Variants in PCSK6 observed in about 807,000 individuals in gnomAD.
PCSK6 encodes the protein paired basic amino acid cleaving enzyme 4.
A neutral mutation model predicts 123.3 loss-of-function variants in PCSK6; 85 were observed. The observed-to-expected ratio is 0.69, with a 90% confidence interval of 0.58 to 0.83. The LOEUF is 0.83. Among genes scored for constraint, PCSK6 ranks in the 40% least tolerant of loss-of-function variants. PCSK6 has a pLI of 0.00. For missense variants in PCSK6, 1,191 were observed against 1,282.3 expected (o/e 0.93, Z 1.09); for synonymous variants, 508 against 516.0 (o/e 0.98, Z 0.21).
intron 6 of PCSK6, among the ~76,000 whole-genome samples, chr15:101,426,669 C>T (rs930243293): frequency 1.3e-5 from 2 of 152,194 alleles, no homozygotes; most frequent in Non-Finnish European, 2.9e-5. Context: ...AGAAATTCCC[C>T]CAAGGACTGG....
intron 4 of PCSK6, 118 bp downstream of exon 4, chr15:101,431,202 A>G: frequency 9.9e-7 from 1 of 1,014,932 alleles, no homozygotes; most frequent in Non-Finnish European, 1.5e-6. Context: ...AGTTTTCTTT[A>G]CTGCCTAACT....
intron 6 of PCSK6, among the ~76,000 whole-genome samples, chr15:101,427,597 C>T (rs1287786931): frequency 1.3e-5 from 2 of 152,300 alleles, no homozygotes; most frequent in Non-Finnish European, 2.9e-5. Flanking sequence ...TCAACGCAGA[C>T]TTCTAGGAGT....
chr15:101,305,559 T>A lies in PCSK6; in HGVS notation c.2813-204A>T, dbSNP rs566135713. The A allele has an allele frequency of 2.1e-6, 1 of 487,426 alleles. No homozygotes were observed. The highest frequency in any genetic ancestry group is 2.2e-5 in the South Asian group (1 of 45,646). 30.2% of individuals were successfully genotyped at this position (487,426 alleles called of 1,614,324 possible). ...CCCGTCTCTACTAATAATATAAAAA[T>A]TAGCTGGGCATGGTGGTGGGCACCT... On this transcript the variant is annotated intron_variant, in intron 21 of 21. Coordinates refer to ENST00000611716, the MANE Select transcript of PCSK6 (RefSeq NM_002570.5). The surrounding 1 kb of genome is among the most constrained non-coding windows in gnomAD (Gnocchi z 4.8).
At chr15:101,465,551 G>A (rs1406906047) in intron 1 of PCSK6, among the ~76,000 whole-genome samples, 1 of 152,144 alleles carries the variant, frequency 6.6e-6, no homozygotes, top group Non-Finnish European at 1.5e-5. Flanking sequence ...AGGACAGAGG[G>A]GCCACCTGTT....
At chr15:101,383,929 C>G (rs1477709823) in intron 10 of PCSK6, 1 of 170,326 alleles carries the variant, frequency 5.9e-6, no homozygotes, top group Non-Finnish European at 1.2e-5. Flanking sequence ...GAGATGGAGT[C>G]CTGCTGTGTT....
rs1220445229 is a variant in PCSK6 at position 101,322,510 on chromosome 15, G to A, written c.2465+10C>T. On this transcript the variant is annotated intron_variant, in intron 18 of 21. Transcript: ENST00000611716. The stretch of plus-strand genomic sequence containing the variant: ...GCCCTGACATTCCTCAGGTTTCGAG[G>A]GGGTTTTACCTGAATCCTTCTTTAC... The A allele has an allele frequency of 6.3e-7, 1 of 1,595,972 alleles. No individual in the cohort carries two copies. The highest frequency in any genetic ancestry group is 1.3e-5 in the African/African-American group (1 of 74,534).
At chr15:101,472,630 A>G (rs527965579) in intron 1 of PCSK6, among the ~76,000 whole-genome samples, 10 of 152,154 alleles carry the variant, frequency 6.6e-5, no homozygotes, top group African/African-American at 2.4e-4. Context: ...TTCAGGAGAG[A>G]CCAGGGAGGA....
intron 13 of PCSK6, among the ~76,000 whole-genome samples, chr15:101,343,328 CAT>C (rs1483309986): frequency 1.3e-5 from 2 of 152,072 alleles, no homozygotes; most frequent in Admixed American, 1.3e-4. Flanking sequence ...ATTTTCTCTA[CAT>C]ATGTTTGTTT....
intron 13 of PCSK6, among the ~76,000 whole-genome samples, chr15:101,339,576 G>C (rs2040553953): frequency 6.6e-6 from 1 of 152,144 alleles, no homozygotes; most frequent in Non-Finnish European, 1.5e-5. Flanking sequence ...GAATTTCACA[G>C]TATGTGAATT....
chr15:101,371,322 C>G (rs1018347503), intron 11 of PCSK6, among the ~76,000 whole-genome samples: 5 of 152,150 alleles, frequency 3.3e-5, no homozygotes. Context: ...TTGGCCAGCT[C>G]GTTTCTCAGT....
chr15:101,339,931 A>G (rs923856621), intron 13 of PCSK6, among the ~76,000 whole-genome samples: 3 of 145,570 alleles, frequency 2.1e-5, no homozygotes, highest in Non-Finnish European at 4.5e-5. Context: ...ATATATATAT[A>G]TAAAATTACA....
intron 1 of PCSK6, 37 bp downstream of exon 1, chr15:101,489,337 G>A (rs1170089952): frequency 2.7e-6 from 3 of 1,111,516 alleles, no homozygotes; most frequent in East Asian, 5.7e-5. Flanking sequence ...GGAGGCCGCC[G>A]GGAAAGTTTT....
chr15:101,429,243 A>G (rs1377731940), intron 5 of PCSK6, among the ~76,000 whole-genome samples: 1 of 152,154 alleles, frequency 6.6e-6, no homozygotes, highest in African/African-American at 2.4e-5. Context: ...AGAAGGAAAG[A>G]GACAGCAAAT....
intron 2 of PCSK6, among the ~76,000 whole-genome samples, chr15:101,438,552 G>C (rs942906062): frequency 6.6e-6 from 1 of 152,206 alleles, no homozygotes. Flanking sequence ...AGATGGGCTT[G>C]CATGCTTTGA....
chr15:101,397,251 TAGAG>T (rs1225042706), intron 7 of PCSK6, among the ~76,000 whole-genome samples: 1 of 151,638 alleles, frequency 6.6e-6, no homozygotes, highest in African/African-American at 2.4e-5. Context: ...TGATATTACT[TAGAG>T]AAAGGAAATC....
chr15:101,325,116 T>C, intron 16 of PCSK6, 70 bp from the exon 17 acceptor site: 1 of 1,170,502 alleles, frequency 8.5e-7, no homozygotes, highest in South Asian at 1.5e-5. Flanking sequence ...GCCCCTTTGT[T>C]TCCTCTGAGG....
At chr15:101,480,867 T>C (rs1330228734) in intron 1 of PCSK6, among the ~76,000 whole-genome samples, 2 of 151,880 alleles carry the variant, frequency 1.3e-5, no homozygotes, top group Non-Finnish European at 2.9e-5. Flanking sequence ...AAGCAAACGA[T>C]TGGGATGAGA....
At chr15:101,455,185 C>T (rs114791040) in intron 1 of PCSK6, among the ~76,000 whole-genome samples, 1 of 152,160 alleles carries the variant, frequency 6.6e-6, no homozygotes, top group Non-Finnish European at 1.5e-5. Context: ...CTCTCCTCTG[C>T]ATTCTGTCCC....
At position 101,398,812 on chromosome 15, in the gene PCSK6, C is replaced by T. The variant is rs1319947709; in HGVS notation, c.824-236G>A. On this transcript the variant is annotated intron_variant, in intron 6 of 21. Transcript: ENST00000611716. The surrounding 1 kb of genome is among the most constrained non-coding windows in gnomAD (Gnocchi z 4.6). ...ACGTCCCAAAGAGAGGGTTCAGCTT[C>T]CCTCAGTGCTATGATGTCCTGCTGG... Among the ~76,000 whole-genome samples, 1 of 152,190 alleles carries T rather than the reference C, an allele frequency of 6.6e-6. No homozygotes were observed. The highest frequency in any genetic ancestry group is 1.5e-5 in the Non-Finnish European group (1 of 68,048).
Sources: allele counts gnomAD v4.1 joint callset (sites outside exome capture counted in the v4.1 genomes callset), GRCh38; gene constraint gnomAD v4.1.1; non-coding constraint Gnocchi (gnomAD v3.1); transcripts MANE v1.5; gene names NCBI Gene and HGNC (gene_info 2026-07-23, HGNC 2026-07-21).